NECAP2: variants seen among roughly 807,000 people sequenced by gnomAD.
The protein encoded by NECAP2 is NECAP endocytosis associated 2, also known as adaptin ear-binding coat-associated protein 2.
A neutral mutation model predicts 37.8 loss-of-function variants in NECAP2; 38 were observed. That is an observed-to-expected ratio of 1.01 (90% CI 0.78 to 1.32). The LOEUF (loss-of-function observed/expected upper bound fraction) is 1.32. Among genes scored for constraint, NECAP2 ranks in the 40% most tolerant of loss-of-function variants. The probability of loss-of-function intolerance (pLI) is 0.00; values close to 1 mark genes in which losing one functional copy is unlikely to be tolerated. For missense variants in NECAP2, 316 were observed against 334.5 expected (o/e 0.94, Z 0.43); for synonymous variants, 121 against 127.7 (o/e 0.95, Z 0.35).
At chr1:16,453,924 G>A (rs945452455) in intron 6 of NECAP2, among the ~76,000 whole-genome samples, 1 of 152,172 alleles carries the variant, frequency 6.6e-6, no homozygotes, top group African/African-American at 2.4e-5. Context: ...GAGACAGGCA[G>A]TTAGCATGTC....
chr1:16,445,869 A>AC (rs2086752627), intron 2 of NECAP2, among the ~76,000 whole-genome samples: 1 of 151,960 alleles, frequency 6.6e-6, no homozygotes, highest in South Asian at 2.1e-4. Context: ...GCGCCACTGC[A>AC]CTCCAGCCTG....
chr1:16,459,094 C>A lies in NECAP2; in HGVS notation c.*204C>A. The A allele has an allele frequency of 8.3e-7, 1 of 1,197,848 alleles. No individual in the cohort carries two copies. The highest frequency in any genetic ancestry group is 1.2e-6 in the Non-Finnish European group (1 of 865,768). The allele number at this position is 1,197,848 out of a possible 1,614,324, so 74.2% of individuals were successfully genotyped here. A position where few individuals can be genotyped will look rare whatever the true frequency, so the allele number is the denominator to read the frequency against. ...CACTGTTTCCTGGGATTCAAGTATG[C>A]AACCAGAACACAGGAGAAGAAAAGC... On this transcript the variant is annotated 3_prime_UTR_variant, in exon 8 of 8. Transcript: ENST00000337132.
intron 1 of NECAP2, among the ~76,000 whole-genome samples, chr1:16,442,081 C>T (rs906538282): frequency 6.6e-6 from 1 of 151,482 alleles, no homozygotes; most frequent in Non-Finnish European, 1.5e-5. Flanking sequence ...CGGATTCAAG[C>T]GATTCTCCTG....
chr1:16,459,011 C>T lies in NECAP2; in HGVS notation c.*121C>T. 1 of 1,574,422 alleles carries T rather than the reference C, an allele frequency of 6.4e-7. No homozygotes were observed. Among genetic ancestry groups the T allele is most frequent in the African/African-American group, 1.4e-5 (1 of 73,424 alleles). ...TTGGGGCATGAATCTCTCCTCTCCT[C>T]CTTGTCTGGCTCTGTTGACAAACCG... On this transcript the variant is annotated 3_prime_UTR_variant, in exon 8 of 8. Coordinates refer to ENST00000337132, the MANE Select transcript of NECAP2 (RefSeq NM_018090.5).
intron 6 of NECAP2, chr1:16,455,436 T>C (rs1320351199): frequency 9.9e-6 from 2 of 201,966 alleles, no homozygotes; most frequent in African/African-American, 4.6e-5. Flanking sequence ...GTGGACATTC[T>C]CCGTTCAAGA....
intron 5 of NECAP2, chr1:16,449,863 TTGGGC>T (rs370942211): frequency 4.1e-5 from 9 of 218,644 alleles, no homozygotes; most frequent in South Asian, 5.9e-5. Context: ...TAGGAACAGG[TTGGGC>T]TGGGCTGGGC....
At chr1:16,445,153 T>A (rs1015736941) in intron 2 of NECAP2, among the ~76,000 whole-genome samples, 8 of 152,340 alleles carry the variant, frequency 5.3e-5, no homozygotes, top group Non-Finnish European at 1.2e-4. Context: ...CTCCCTAACG[T>A]AACAGGCACT....
At chr1:16,451,550 T>C in intron 5 of NECAP2, 3 of 413,468 alleles carry the variant, frequency 7.3e-6, no homozygotes, top group Non-Finnish European at 1.3e-5. Flanking sequence ...TAATCTACAT[T>C]TTAGCCATTC....
Position 16,459,733 on chromosome 1 carries a change from T to A in NECAP2, c.*843T>A, listed in dbSNP as rs1233735098. On this transcript the variant is annotated 3_prime_UTR_variant, in exon 8 of 8. Transcript: ENST00000337132. ...GTCATGGAGCTGTGGGAGTTGGCACTCTGTCTGCTGGTGGCCCTCTCGGCT... is the reference window on the plus strand; with the variant it reads ...GTCATGGAGCTGTGGGAGTTGGCACACTGTCTGCTGGTGGCCCTCTCGGCT... The A allele has an allele frequency of 6.6e-6, 1 of 152,400 alleles. No individual in the cohort carries two copies. Among genetic ancestry groups the A allele is most frequent in the African/African-American group, 2.4e-5 (1 of 41,474 alleles). The allele number at this position is 152,400 out of a possible 1,614,324, so 9.4% of individuals were successfully genotyped here.
chr1:16,456,376 T>C (rs1168309693), intron 7 of NECAP2, among the ~76,000 whole-genome samples: 2 of 152,206 alleles, frequency 1.3e-5, no homozygotes, highest in African/African-American at 4.8e-5. Context: ...GCGTGCCTGC[T>C]TTGGGTGGCA....
chr1:16,445,902 A>C (rs2086753006), intron 2 of NECAP2, among the ~76,000 whole-genome samples: 1 of 151,296 alleles, frequency 6.6e-6, no homozygotes, highest in African/African-American at 2.4e-5. Context: ...AGACTGTCTC[A>C]AAAAGAAAAG....
At chr1:16,444,280 C>T (rs916096330) in intron 2 of NECAP2, among the ~76,000 whole-genome samples, 2 of 152,184 alleles carry the variant, frequency 1.3e-5, no homozygotes, top group Admixed American at 1.3e-4. Context: ...CCACCTGTGC[C>T]TCTGGGTGAG....
At chr1:16,452,199 G>T (rs1419273542) in intron 6 of NECAP2, among the ~76,000 whole-genome samples, 184 bp downstream of exon 6, 1 of 152,150 alleles carries the variant, frequency 6.6e-6, no homozygotes, top group African/African-American at 2.4e-5. Context: ...CCTCCTACTT[G>T]GCCTTTAGGG....
At position 16,450,053 on chromosome 1, in the gene NECAP2, A is replaced by C. The variant is rs1374127247; in HGVS notation, c.489+852A>C. On this transcript the variant is annotated intron_variant, in intron 5 of 7. Transcript: ENST00000337132. ...CAAGAAGCTTTGTAACTCTAAAATA[A>C]TGCTTTTCCTCTTTACTTACTCTTT... The C allele has an allele frequency of 3.9e-5, 15 of 385,918 alleles. No homozygotes were observed. In the Admixed American group the frequency reaches 4.0e-4, roughly 10 times the overall value. The allele number at this position is 385,918 out of a possible 1,614,324, so 23.9% of individuals were successfully genotyped here. A position where few individuals can be genotyped will look rare whatever the true frequency, so the allele number is the denominator to read the frequency against.
intron 5 of NECAP2, chr1:16,450,251 TTTTTTTGTTTTGTTTTG>T (rs1207850821): frequency 1.4e-4 from 54 of 394,650 alleles, no homozygotes; most frequent in Middle Eastern, 1.2e-3. Context: ...GGTAGTGGTT[TTTTTTTGTTTTGTTTTG>T]TTTTTTGTTT....
chr1:16,443,550 A>G (rs2086718704), intron 1 of NECAP2, 82 bp from the exon 2 acceptor site: 1 of 1,080,692 alleles, frequency 9.3e-7, no homozygotes, highest in East Asian at 2.5e-5. Flanking sequence ...TTGGGCTAGA[A>G]TAAGCAGCCC....
At chr1:16,444,264 C>T (rs186466650) in intron 2 of NECAP2, among the ~76,000 whole-genome samples, 34 of 152,278 alleles carry the variant, frequency 2.2e-4, no homozygotes, top group African/African-American at 7.7e-4. Context: ...CTTCACAAGT[C>T]CTGGGCCACC....
At chr1:16,451,557 A>C in intron 5 of NECAP2, 1 of 435,702 alleles carries the variant, frequency 2.3e-6, no homozygotes, top group Non-Finnish European at 4.1e-6. Context: ...CATTTTAGCC[A>C]TTCTGGTGAG....
chr1:16,447,132 A>C (rs1413239715), intron 2 of NECAP2, among the ~76,000 whole-genome samples: 1 of 151,846 alleles, frequency 6.6e-6, no homozygotes, highest in East Asian at 1.9e-4. Flanking sequence ...AGCCTCCCAA[A>C]GTGCTGGGAC....
Sources: gnomAD v4.1 joint callset for allele counts (sites outside exome capture counted in the v4.1 genomes callset) on GRCh38, gnomAD v4.1.1 for gene constraint, MANE v1.5 for transcripts, NCBI Gene and HGNC (gene_info 2026-07-23, HGNC 2026-07-21) for gene names.